Variants in BTC observed in about 807,000 individuals in gnomAD.
BTC encodes betacellulin, also known as probetacellulin.
In BTC, 13 loss-of-function variants were observed where a neutral mutation model predicts 18.1. The observed-to-expected ratio is 0.72, with a 90% CI of 0.47 to 1.14. The LOEUF (loss-of-function observed/expected upper bound fraction) is 1.14, where lower values mean the gene tolerates loss of function less well. Among genes scored for constraint, BTC ranks in the 50% most tolerant of loss-of-function variants. BTC has a pLI of 0.00. For missense variants in BTC, 247 were observed against 224.2 expected, an observed-to-expected ratio of 1.10 and a Z score of -0.65; for synonymous variants, 83 against 79.4, an observed-to-expected ratio of 1.05 and a Z score of -0.24.
chr4:74,758,959 A>T (rs1553957029), intron 2 of BTC, among the ~76,000 whole-genome samples: 4 of 152,160 alleles, frequency 2.6e-5, no homozygotes, highest in Non-Finnish European at 1.5e-5. Flanking sequence ...ATACACACAC[A>T]CACACACATA....
At chr4:74,776,188 A>G (rs1413797562) in intron 1 of BTC, among the ~76,000 whole-genome samples, 1 of 150,908 alleles carries the variant, frequency 6.6e-6, no homozygotes, top group Admixed American at 6.6e-5. Flanking sequence ...TTTTTACCTT[A>G]AGAAAATAGT....
At chr4:74,775,891 T>C (rs1336420548) in intron 1 of BTC, among the ~76,000 whole-genome samples, 1 of 152,226 alleles carries the variant, frequency 6.6e-6, no homozygotes, top group Non-Finnish European at 1.5e-5. Flanking sequence ...AATCATATTT[T>C]ATGGTATCAT....
At chr4:74,778,239 T>C (rs1402551856) in intron 1 of BTC, among the ~76,000 whole-genome samples, 2 of 152,166 alleles carry the variant, frequency 1.3e-5, no homozygotes, top group Non-Finnish European at 2.9e-5. Flanking sequence ...ACATAATTCT[T>C]GAGCAGATTT....
chr4:74,787,055 T>C (rs1293305747), intron 1 of BTC, among the ~76,000 whole-genome samples: 1 of 152,126 alleles, frequency 6.6e-6, no homozygotes, highest in East Asian at 1.9e-4. Flanking sequence ...ATTCATTTAA[T>C]TAATACATTT....
intron 3 of BTC, among the ~76,000 whole-genome samples, chr4:74,755,488 G>T (rs1724573038): frequency 6.6e-6 from 1 of 152,138 alleles, no homozygotes; most frequent in African/African-American, 2.4e-5. Flanking sequence ...AATTTGGCAG[G>T]AATTTCCTCG....
chr4:74,788,285 A>C (rs762559717), intron 1 of BTC, among the ~76,000 whole-genome samples: 8 of 152,200 alleles, frequency 5.3e-5, no homozygotes, highest in Non-Finnish European at 1.2e-4. Context: ...ACACAAAAAA[A>C]ATGGTAGCTA....
intron 1 of BTC, among the ~76,000 whole-genome samples, chr4:74,773,436 C>G (rs760129609): frequency 6.6e-6 from 1 of 152,072 alleles, no homozygotes; most frequent in Non-Finnish European, 1.5e-5. Context: ...AAACTATCTA[C>G]TAAACAATAA....
intron 1 of BTC, among the ~76,000 whole-genome samples, chr4:74,777,307 G>A (rs554813476): frequency 1.5e-4 from 23 of 152,258 alleles, no homozygotes; most frequent in East Asian, 3.9e-4. Flanking sequence ...GAAATTATGC[G>A]TTTGTAACTT....
At chr4:74,777,021 A>G (rs2109908195) in intron 1 of BTC, among the ~76,000 whole-genome samples, 1 of 152,314 alleles carries the variant, frequency 6.6e-6, no homozygotes, top group South Asian at 2.1e-4. Context: ...TATGAACATA[A>G]GCAGAAATTA....
At chr4:74,765,590 C>T (rs1445030398) in intron 2 of BTC, among the ~76,000 whole-genome samples, 1 of 152,100 alleles carries the variant, frequency 6.6e-6, no homozygotes, top group Non-Finnish European at 1.5e-5. Context: ...ATGCCCCAAA[C>T]TTACCAAATC....
In BTC at chr4:74,794,344, C is replaced by G. The variant is rs540409136; in HGVS notation, c.-19G>C. The G allele has an allele frequency of 3.2e-5, 49 of 1,538,756 alleles. No individual in the cohort carries two copies. The African/African-American group carries it at 5.6e-4, about 18-fold the overall frequency. On this transcript the variant is annotated 5_prime_UTR_variant, in exon 1 of 6. Coordinates refer to ENST00000395743, the MANE Select transcript of BTC (RefSeq NM_001729.4). ...GGTCCATCAACCCCGCTCTGCCGGGCCGGGCAGCCCCTAGACAAGTCTCCC... is the reference window on the plus strand; with the variant it reads ...GGTCCATCAACCCCGCTCTGCCGGGGCGGGCAGCCCCTAGACAAGTCTCCC...
Position 74,750,651 on chromosome 4 carries a change from C to T in BTC, c.350G>A (p.Gly117Glu). The change falls in exon 4 of 6, where the codon GGA (glycine) becomes GAA (glutamate). Residue 117 changes from glycine to glutamate, a missense_variant. Transcript: ENST00000395743. ...TATCAAACAAATCACCAGAATCTGT[C>T]CTCTGTCTCCTCTTAGGTAAAACAA... is the stretch of plus-strand genomic sequence containing the variant. ...VDLFYLRGDRGQILVICLIAV... is the reference protein window; with the variant it reads ...VDLFYLRGDREQILVICLIAV... The T allele has an allele frequency of 6.2e-7, 1 of 1,613,978 alleles. No homozygotes were observed. Among genetic ancestry groups the T allele is most frequent in the Non-Finnish European group, 8.5e-7 (1 of 1,179,944 alleles).
chr4:74,770,915 ATGTGTGTGTGTG>A (rs61202126), intron 1 of BTC, among the ~76,000 whole-genome samples: 7 of 141,982 alleles, frequency 4.9e-5, no homozygotes, highest in Admixed American at 2.2e-4. Context: ...TATATCGTGT[ATGTGTGTGTGTG>A]TGTGTGTGTG....
chr4:74,780,569 T>C (rs1418730052), intron 1 of BTC, among the ~76,000 whole-genome samples: 1 of 152,242 alleles, frequency 6.6e-6, no homozygotes, highest in Non-Finnish European at 1.5e-5. Flanking sequence ...TATCTCCCGA[T>C]GTAACAATAT....
chr4:74,786,104 T>C (rs1725471364), intron 1 of BTC, among the ~76,000 whole-genome samples: 1 of 152,202 alleles, frequency 6.6e-6, no homozygotes, highest in South Asian at 2.1e-4. Flanking sequence ...CCTGAATACG[T>C]AGTAACATCC....
At chr4:74,751,365 G>A (rs771246305) in intron 3 of BTC, among the ~76,000 whole-genome samples, 72 of 151,992 alleles carry the variant, frequency 4.7e-4, no homozygotes, top group African/African-American at 7.7e-4. Context: ...TCTGTTCGCC[G>A]CCTCCTTCAT....
At chr4:74,776,740 T>A (rs1725185472) in intron 1 of BTC, among the ~76,000 whole-genome samples, 1 of 152,168 alleles carries the variant, frequency 6.6e-6, no homozygotes, top group African/African-American at 2.4e-5. Flanking sequence ...ACTTAAACAG[T>A]CATGTGCGTT....
intron 3 of BTC, 79 bp from the exon 4 acceptor site, chr4:74,750,798 C>T: frequency 6.6e-7 from 1 of 1,517,390 alleles, no homozygotes; most frequent in Non-Finnish European, 9.0e-7. Context: ...AAGAAATTAA[C>T]AGTTCTCATT....
intron 3 of BTC, among the ~76,000 whole-genome samples, chr4:74,754,421 C>T (rs1225280656): frequency 1.3e-5 from 2 of 152,128 alleles, no homozygotes; most frequent in Non-Finnish European, 2.9e-5. Context: ...TGGATAAGAG[C>T]TTTCATAGAG....
Sources: allele counts gnomAD v4.1 joint callset (sites outside exome capture counted in the v4.1 genomes callset), GRCh38; gene constraint gnomAD v4.1.1; transcripts MANE v1.5; gene names NCBI Gene and HGNC (gene_info 2026-07-23, HGNC 2026-07-21).